The following NXPE2 variants were observed in gnomAD, a reference collection of about 807,000 sequenced individuals.
The protein encoded by NXPE2 is neurexophilin and PC-esterase domain family member 2.
A neutral mutation model predicts 34.4 loss-of-function variants in NXPE2; 34 were observed. The observed-to-expected ratio is 0.99, with a 90% CI of 0.75 to 1.31. The LOEUF (loss-of-function observed/expected upper bound fraction) is 1.31, where lower values mean the gene tolerates loss of function less well. NXPE2 is among the 40% of genes most tolerant of loss of function. The probability of loss-of-function intolerance (pLI) is 0.00; values close to 1 mark genes in which losing one functional copy is unlikely to be tolerated. For synonymous variants in NXPE2, 235 were observed against 231.3 expected (o/e 1.02, Z -0.15); for missense variants, 649 against 672.5 (o/e 0.97, Z 0.39).
the NXPE2 span, among the ~76,000 whole-genome samples, chr11:114,634,223 G>C: frequency 6.6e-6 from 1 of 151,846 alleles, no homozygotes; most frequent in Non-Finnish European, 1.5e-5. Context: ...GTGATGGTGA[G>C]CATTTTTTCA....
At chr11:114,782,465 A>T in the NXPE2 span, among the ~76,000 whole-genome samples, 1 of 152,260 alleles carries the variant, frequency 6.6e-6, no homozygotes, top group African/African-American at 2.4e-5. Context: ...ACAGGTAAGT[A>T]AATAAGTTGT....
At chr11:114,530,757 A>C in the NXPE2 span, 1 of 1,614,116 alleles carries the variant, frequency 6.2e-7, no homozygotes, top group East Asian at 2.2e-5. Context: ...TCTGGGTGGG[A>C]TCTGCTGATC....
chr11:114,600,659 C>A, the NXPE2 span, among the ~76,000 whole-genome samples: 5 of 152,082 alleles, frequency 3.3e-5, no homozygotes. Context: ...AATTTGAGAT[C>A]CTGGATTGGG....
the NXPE2 span, among the ~76,000 whole-genome samples, chr11:114,626,658 C>T: frequency 1.3e-5 from 2 of 152,218 alleles, no homozygotes; most frequent in Non-Finnish European, 2.9e-5. Context: ...AGCAACAGAA[C>T]AAAGCTGGAC....
chr11:114,780,768 T>C, the NXPE2 span, among the ~76,000 whole-genome samples: 1 of 152,136 alleles, frequency 6.6e-6, no homozygotes. Context: ...TGGATTACAT[T>C]TGGGCAGGTG....
At chr11:114,799,893 T>C in the NXPE2 span, among the ~76,000 whole-genome samples, 2 of 151,844 alleles carry the variant, frequency 1.3e-5, no homozygotes, top group Non-Finnish European at 2.9e-5. Context: ...TCCTTTTCTC[T>C]TTCTCTTTAT....
the NXPE2 span, among the ~76,000 whole-genome samples, chr11:114,645,060 G>T: frequency 1.3e-5 from 2 of 151,462 alleles, no homozygotes; most frequent in South Asian, 2.1e-4. Context: ...TCAGCACTTT[G>T]GGAGGCTGAG....
At chr11:114,636,267 T>C in the NXPE2 span, among the ~76,000 whole-genome samples, 4 of 152,076 alleles carry the variant, frequency 2.6e-5, no homozygotes, top group East Asian at 1.9e-4. Context: ...GTTTGTAGTA[T>C]TCTCTGATGG....
At chr11:114,573,798 G>T in the NXPE2 span, among the ~76,000 whole-genome samples, 1 of 151,988 alleles carries the variant, frequency 6.6e-6, no homozygotes, top group South Asian at 2.1e-4. Flanking sequence ...CGCTAGACTG[G>T]TCATCAAGAC....
upstream of NXPE2, among the ~76,000 whole-genome samples, chr11:114,673,961 CA>C (rs1950828748): frequency 1.3e-5 from 2 of 151,824 alleles, no homozygotes; most frequent in African/African-American, 4.8e-5. Context: ...TGTCATTTAT[CA>C]GCTTATCTTC....
the NXPE2 span, among the ~76,000 whole-genome samples, chr11:114,495,172 C>A: frequency 6.6e-6 from 1 of 152,142 alleles, no homozygotes; most frequent in Non-Finnish European, 1.5e-5. Context: ...CTGAAACCAG[C>A]ACAGCACTGG....
chr11:114,483,009 C>A, the NXPE2 span, among the ~76,000 whole-genome samples: 1 of 151,790 alleles, frequency 6.6e-6, no homozygotes, highest in African/African-American at 2.4e-5. Flanking sequence ...TTGTCATTCA[C>A]AAAGTTTCTA....
At chr11:114,496,164 G>T in the NXPE2 span, among the ~76,000 whole-genome samples, 3 of 152,140 alleles carry the variant, frequency 2.0e-5, no homozygotes, top group African/African-American at 7.2e-5. Flanking sequence ...TTAGCCCATG[G>T]TGGTGGGTCT....
the NXPE2 span, among the ~76,000 whole-genome samples, chr11:114,763,964 A>T: frequency 6.6e-6 from 1 of 152,036 alleles, no homozygotes. Flanking sequence ...TGCACCATTC[A>T]TCTTGCTTTT....
chr11:114,579,860 T>A, the NXPE2 span, among the ~76,000 whole-genome samples: 7 of 152,180 alleles, frequency 4.6e-5, no homozygotes, highest in Non-Finnish European at 1.0e-4. Context: ...TTTGGTTCCA[T>A]CAATAGTTTT....
chr11:114,632,747 T>TAA, the NXPE2 span, among the ~76,000 whole-genome samples: 1 of 18,054 alleles, frequency 5.5e-5, no homozygotes, highest in African/African-American at 2.5e-4. Flanking sequence ...ATAAAATATA[T>TAA]TATAATATAT....
the NXPE2 span, among the ~76,000 whole-genome samples, chr11:114,586,920 G>T: frequency 6.6e-6 from 1 of 152,118 alleles, no homozygotes; most frequent in African/African-American, 2.4e-5. Flanking sequence ...TGGGATTGCC[G>T]TTTTTGTGAT....
chr11:114,652,290 T>C, the NXPE2 span, among the ~76,000 whole-genome samples: 1 of 152,202 alleles, frequency 6.6e-6, no homozygotes, highest in African/African-American at 2.4e-5. Context: ...AATGATGCCC[T>C]TAAGGCATCC....
At chr11:114,651,882 C>T in the NXPE2 span, among the ~76,000 whole-genome samples, 1 of 152,106 alleles carries the variant, frequency 6.6e-6, no homozygotes, top group African/African-American at 2.4e-5. Flanking sequence ...GCCCAGCTGG[C>T]TTCACCTCTC....
Sources: gnomAD v4.1 joint callset for allele counts (sites outside exome capture counted in the v4.1 genomes callset) on GRCh38, gnomAD v4.1.1 for gene constraint, MANE v1.5 for transcripts, NCBI Gene and HGNC (gene_info 2026-07-23, HGNC 2026-07-21) for gene names.